CDH2: variants seen among roughly 807,000 people sequenced by gnomAD.
CDH2 encodes the protein cadherin 2.
A neutral mutation model predicts 92.0 loss-of-function variants in CDH2; 17 were observed. The ratio of observed to expected loss-of-function variants is 0.18; its 90% confidence interval spans 0.13 to 0.28. The LOEUF is 0.28. Among genes scored for constraint, CDH2 ranks in the 10% least tolerant of loss-of-function variants. CDH2 has a pLI of 1.00. For missense variants in CDH2, 862 were observed against 1,133.1 expected, an observed-to-expected ratio of 0.76 and a Z score of 3.44; for synonymous variants, 419 against 415.9, an observed-to-expected ratio of 1.01 and a Z score of -0.09.
In CDH2 at chr18:28,075,646, C is replaced by T. The variant is rs372604964; in HGVS notation, c.173-61737G>A. On this transcript the variant is annotated intron_variant, in intron 2 of 15. Transcript: ENST00000269141. ...AGGCTGGTATCCCAGAAAGCCCTTC[C>T]GTGGCTTTGTGCTGCTCCCTGGCAC... Among the ~76,000 whole-genome samples, 23 of 152,228 alleles carry T rather than the reference C, an allele frequency of 1.5e-4. No individual in the cohort carries two copies. In the South Asian group the frequency reaches 3.7e-3, roughly 25 times the overall value.
At chr18:28,051,108 C>T (rs1211203810) in intron 2 of CDH2, among the ~76,000 whole-genome samples, 1 of 152,006 alleles carries the variant, frequency 6.6e-6, no homozygotes, top group Non-Finnish European at 1.5e-5. Flanking sequence ...GAACATTTTC[C>T]TTGAGGTAGC....
chr18:27,996,647 G>A (rs1378042158), intron 7 of CDH2, among the ~76,000 whole-genome samples: 1 of 151,988 alleles, frequency 6.6e-6, no homozygotes, highest in African/African-American at 2.4e-5. Context: ...GTGCATGTGT[G>A]TGCATACAGA....
chr18:28,042,739 T>A (rs1015028197), intron 2 of CDH2, among the ~76,000 whole-genome samples: 1 of 152,176 alleles, frequency 6.6e-6, no homozygotes, highest in Non-Finnish European at 1.5e-5. Context: ...AAAAGTACAA[T>A]GTTAGCATTC....
chr18:28,124,801 C>T (rs8089347), intron 2 of CDH2, among the ~76,000 whole-genome samples: 34,980 of 152,096 alleles, frequency 0.23, 4,529 homozygotes, highest in Non-Finnish European at 0.3. Context: ...TGGGTTTGGC[C>T]ACTAAATAGC....
chr18:28,117,350 T>TA (rs1198372178), intron 2 of CDH2, among the ~76,000 whole-genome samples: 2 of 152,114 alleles, frequency 1.3e-5, no homozygotes, highest in Non-Finnish European at 2.9e-5. Context: ...TAGCAGGACA[T>TA]AGATATCCCT....
intron 14 of CDH2, among the ~76,000 whole-genome samples, chr18:27,967,911 T>G (rs1462706062): frequency 6.6e-6 from 1 of 152,196 alleles, no homozygotes; most frequent in Non-Finnish European, 1.5e-5. Context: ...GTTGCATCAG[T>G]ATAAATTGAA....
rs1278206320 is a variant in CDH2 at position 27,938,879 on chromosome 18, G to A, written c.1152-5755C>T. 3.3e-5 allele frequency among the ~76,000 whole-genome samples: 5 copies of A among 152,130 alleles called. No individual in the cohort carries two copies. The South Asian group carries it at 6.2e-4, about 19-fold the overall frequency. ...TCGTGCCTGCTAAATTGGGATATTCGAAGGAAAGCAAAAGTATTTTTAGCA... is the reference window on the plus strand; with the variant it reads ...TCGTGCCTGCTAAATTGGGATATTCAAAGGAAAGCAAAAGTATTTTTAGCA... On this transcript the variant is annotated intron_variant, in intron 6 of 6. Transcript: ENST00000675173.
intron 15 of CDH2, among the ~76,000 whole-genome samples, chr18:27,960,057 C>T (rs2011362245): frequency 1.3e-5 from 2 of 149,640 alleles, no homozygotes; most frequent in South Asian, 4.2e-4. Flanking sequence ...CAAACACACA[C>T]TCGTGGATTT....
At chr18:28,050,491 T>C in intron 2 of CDH2, among the ~76,000 whole-genome samples, 1 of 152,172 alleles carries the variant, frequency 6.6e-6, no homozygotes, top group Admixed American at 6.5e-5. Context: ...AATATTATCC[T>C]CCTTTCCTGA....
chr18:28,123,135 C>T (rs1331099647), intron 2 of CDH2, among the ~76,000 whole-genome samples: 1 of 152,064 alleles, frequency 6.6e-6, no homozygotes, highest in Non-Finnish European at 1.5e-5. Flanking sequence ...AAATACTACT[C>T]CAAATATATA....
chr18:28,134,402 G>A (rs763691165), intron 2 of CDH2, among the ~76,000 whole-genome samples: 15 of 151,858 alleles, frequency 9.9e-5, no homozygotes, highest in Non-Finnish European at 1.5e-4. Flanking sequence ...CTCAGAACCC[G>A]TCAGGGTTAA....
At chr18:28,093,820 G>C (rs1391421873) in intron 2 of CDH2, among the ~76,000 whole-genome samples, 1 of 152,108 alleles carries the variant, frequency 6.6e-6, no homozygotes, top group East Asian at 1.9e-4. Flanking sequence ...AACCTCAAAA[G>C]TAAATTTCAC....
At chr18:28,096,868 T>C (rs1160260558) in intron 2 of CDH2, among the ~76,000 whole-genome samples, 1 of 152,246 alleles carries the variant, frequency 6.6e-6, no homozygotes, top group African/African-American at 2.4e-5. Flanking sequence ...ATGCTTAAAA[T>C]AATGACAAGC....
chr18:28,058,140 ATC>A (rs2014331482), intron 2 of CDH2, among the ~76,000 whole-genome samples: 2 of 152,190 alleles, frequency 1.3e-5, no homozygotes, highest in Non-Finnish European at 2.9e-5. Context: ...CTCTGGTTGG[ATC>A]AAAGCAGTAC....
At chr18:28,068,565 A>T (rs1044674200) in intron 2 of CDH2, among the ~76,000 whole-genome samples, 1 of 152,226 alleles carries the variant, frequency 6.6e-6, no homozygotes, top group Non-Finnish European at 1.5e-5. Flanking sequence ...CTTATAATGC[A>T]GATATTCTGT....
chr18:28,172,915 T>C (rs1043340175), intron 1 of CDH2, among the ~76,000 whole-genome samples: 6 of 152,108 alleles, frequency 3.9e-5, no homozygotes, highest in Admixed American at 2.6e-4. Context: ...TTAAAAAAAA[T>C]AGGATTTAAA....
chr18:27,965,331 G>T (rs1487535518), intron 14 of CDH2, among the ~76,000 whole-genome samples: 1 of 152,248 alleles, frequency 6.6e-6, no homozygotes, highest in African/African-American at 2.4e-5. Context: ...CCTCTTAGGT[G>T]TGTGCAATGT....
chr18:28,011,174 A>C (rs952441806), intron 4 of CDH2, among the ~76,000 whole-genome samples: 1 of 152,124 alleles, frequency 6.6e-6, no homozygotes, highest in African/African-American at 2.4e-5. Flanking sequence ...CATTTTAATA[A>C]GTGGGAATAC....
At chr18:28,025,255 C>T (rs1051129761) in intron 2 of CDH2, among the ~76,000 whole-genome samples, 2 of 152,100 alleles carry the variant, frequency 1.3e-5, no homozygotes, top group African/African-American at 4.8e-5. Flanking sequence ...CAGTGGCTCA[C>T]GCCTTTAATC....
Sources: gnomAD v4.1 joint callset for allele counts (sites outside exome capture counted in the v4.1 genomes callset) on GRCh38, gnomAD v4.1.1 for gene constraint, MANE v1.5 for transcripts, NCBI Gene and HGNC (gene_info 2026-07-23, HGNC 2026-07-21) for gene names.